Variants in CMKLR2 observed in about 807,000 individuals in gnomAD.
CMKLR2 encodes the protein chemerin chemokine-like receptor 2.
Under a neutral mutation model 23.0 loss-of-function variants are expected in CMKLR2, and 18 were observed. The ratio of observed to expected loss-of-function variants is 0.78; its 90% CI spans 0.54 to 1.16. CMKLR2 has a LOEUF of 1.16. Ranked by LOEUF, CMKLR2 falls within the 50% of genes most tolerant of loss-of-function variation. The pLI is 0.00. For synonymous variants in CMKLR2, 158 were observed against 158.9 expected (o/e 0.99, Z 0.05); for missense variants, 401 against 412.7 (o/e 0.97, Z 0.25).
At chr2:206,197,952 A>G (rs568020228) in intron 1 of CMKLR2, among the ~76,000 whole-genome samples, 1 of 152,234 alleles carries the variant, frequency 6.6e-6, no homozygotes, top group African/African-American at 2.4e-5. Flanking sequence ...ATCTTCGAAC[A>G]CCTGGACAGC....
At chr2:206,199,818 G>T (rs1434878989) in intron 1 of CMKLR2, among the ~76,000 whole-genome samples, 1 of 151,786 alleles carries the variant, frequency 6.6e-6, no homozygotes, top group Non-Finnish European at 1.5e-5. Context: ...CTGGTCTCAG[G>T]TGATCCACCT....
intron 1 of CMKLR2, among the ~76,000 whole-genome samples, chr2:206,187,418 T>A (rs1431947486): frequency 6.6e-6 from 1 of 152,204 alleles, no homozygotes; most frequent in Non-Finnish European, 1.5e-5. Context: ...ACAGACCCAA[T>A]CTGTGGAGAT....
In CMKLR2 at chr2:206,176,454, A is replaced by G; in HGVS notation, c.794T>C (p.Phe265Ser). The change falls in exon 2 of 2, where the codon TTT becomes TCT. Residue 265 changes from phenylalanine (F) to serine (S), a missense_variant. Physicochemically the swap from Phe to Ser is radical, Grantham distance 155 (BLOSUM62 -2). Transcript: ENST00000621141. ...FVVCWTPYHLFSIWELTIHHN... is the reference protein window; with the variant it reads ...FVVCWTPYHLSSIWELTIHHN... ...GTGAATGGTGAGCTCCCAAATGCTA[A>G]ACAGGTGATAAGGAGTCCAGCAAAC... 1 of 1,614,202 alleles carries G rather than the reference A, an allele frequency of 6.2e-7. No individual in the cohort carries two copies. Among genetic ancestry groups the G allele is most frequent in the South Asian group, 1.1e-5 (1 of 91,084 alleles).
In CMKLR2 at chr2:206,183,539, G is replaced by C. The variant is rs953479792; in HGVS notation, c.-28-6264C>G. ...CAAACAGAAAGCCCTGCACCAGAGAGGTTCCTAATCTTCCAGGAAGCAGAT... is the reference window on the plus strand; with the variant it reads ...CAAACAGAAAGCCCTGCACCAGAGACGTTCCTAATCTTCCAGGAAGCAGAT... On this transcript the variant is annotated intron_variant, in intron 1 of 1. Coordinates refer to ENST00000621141, the MANE Select transcript of CMKLR2 (RefSeq NM_001389445.1). Among the ~76,000 whole-genome samples the C allele has an allele frequency of 5.3e-4, 81 of 152,118 alleles. 1 individual carries two copies. Among genetic ancestry groups the C allele is most frequent in the Admixed American group, 5.2e-3 (80 of 15,262 alleles).
In CMKLR2 at chr2:206,182,864, C is replaced by T. The variant is rs181827925; in HGVS notation, c.-28-5589G>A. Among the ~76,000 whole-genome samples the T allele has an allele frequency of 7.0e-4, 107 of 152,222 alleles. 1 individual carries two copies. The highest frequency in any genetic ancestry group is 2.3e-3 in the African/African-American group (96 of 41,548). On this transcript the variant is annotated intron_variant, in intron 1 of 1. Coordinates refer to ENST00000621141, the MANE Select transcript of CMKLR2 (RefSeq NM_001389445.1). ...TGAACTCCTGACCTCGTGATCCACC[C>T]GTCTCAGCCTCCCAAAGTGCTGCGA...
chr2:206,206,917 CTTTT>C (rs66681603), intron 1 of CMKLR2, among the ~76,000 whole-genome samples: 1 of 126,154 alleles, frequency 7.9e-6, no homozygotes, highest in Non-Finnish European at 1.6e-5. Context: ...CCCCCTGCCC[CTTTT>C]TTTTTTTTTT....
chr2:206,177,099 A>G lies in CMKLR2; in HGVS notation c.149T>C (p.Val50Ala), dbSNP rs749853120. The G allele has an allele frequency of 5.6e-6, 9 of 1,614,110 alleles. No homozygotes were observed. In the African/African-American group the frequency reaches 1.2e-4, roughly 22 times the overall value. Residue 50 changes from valine to alanine, a missense_variant, in exon 2 of 2, where the codon GTT becomes GCT. By Grantham distance (64) the Val-to-Ala change is moderately conservative (BLOSUM62 0). Transcript: ENST00000621141. ...VSLVLYCLAF[V>A]LGIPGNAIVI... ...GATGGCATTTCCTGGAATTCCCAGA[A>G]CAAAAGCCAAACAATATAACACCAG...
intron 1 of CMKLR2, among the ~76,000 whole-genome samples, chr2:206,182,076 AGGG>A (rs747111866): frequency 1.3e-4 from 19 of 151,398 alleles, no homozygotes; most frequent in Non-Finnish European, 2.8e-4. Context: ...TAGGTTGTGG[AGGG>A]GGAAGAAGAT....
upstream of CMKLR2, chr2:206,217,770 G>A (rs986721201): frequency 4.6e-5 from 7 of 152,146 alleles, no homozygotes; most frequent in African/African-American, 9.7e-5. Context: ...CAAGGCATGC[G>A]CGGGGTGTGA....
chr2:206,211,585 C>T (rs1012241689), intron 1 of CMKLR2, among the ~76,000 whole-genome samples: 2 of 151,954 alleles, frequency 1.3e-5, no homozygotes, highest in Non-Finnish European at 2.9e-5. Flanking sequence ...GTCTCCACAC[C>T]ATGCCTGAAC....
At chr2:206,216,936 C>T (rs1434006956), upstream of CMKLR2, among the ~76,000 whole-genome samples, 1 of 152,120 alleles carries the variant, frequency 6.6e-6, no homozygotes, top group Non-Finnish European at 1.5e-5. Context: ...TAGCATTATT[C>T]TTTCTCTTTC....
intron 1 of CMKLR2, among the ~76,000 whole-genome samples, chr2:206,212,852 T>G (rs1391806359): frequency 6.6e-6 from 1 of 152,194 alleles, no homozygotes; most frequent in African/African-American, 2.4e-5. Flanking sequence ...CCTTGTAATC[T>G]AAAGAGGGCA....
intron 1 of CMKLR2, among the ~76,000 whole-genome samples, chr2:206,186,104 T>G (rs2105808418): frequency 7.1e-6 from 1 of 140,996 alleles, no homozygotes; most frequent in South Asian, 2.4e-4. Context: ...ACCGTGTGGG[T>G]CTGTGGAATG....
chr2:206,209,148 G>A (rs1460269817), intron 1 of CMKLR2, among the ~76,000 whole-genome samples: 2 of 152,000 alleles, frequency 1.3e-5, no homozygotes, highest in Non-Finnish European at 2.9e-5. Flanking sequence ...GACCAGCCTG[G>A]CCAACATGGT....
upstream of CMKLR2, among the ~76,000 whole-genome samples, chr2:206,216,022 G>A (rs75048997): frequency 0.03 from 4,555 of 152,262 alleles, 119 homozygotes; most frequent in East Asian, 0.12. Context: ...ATGAGGGGAA[G>A]GGATAGCAAA....
intron 1 of CMKLR2, among the ~76,000 whole-genome samples, chr2:206,208,851 G>C (rs1320036421): frequency 1.3e-5 from 2 of 151,728 alleles, no homozygotes; most frequent in African/African-American, 4.8e-5. Context: ...TTAAATTTTT[G>C]GTAGAAACAA....
At chr2:206,183,063 T>G (rs1373376786) in intron 1 of CMKLR2, among the ~76,000 whole-genome samples, 1 of 152,172 alleles carries the variant, frequency 6.6e-6, no homozygotes, top group African/African-American at 2.4e-5. Flanking sequence ...CCCTCTCACT[T>G]ACTCCTTCTG....
chr2:206,193,044 A>AT (rs1365187905), intron 1 of CMKLR2, among the ~76,000 whole-genome samples: 2 of 151,936 alleles, frequency 1.3e-5, no homozygotes, highest in Non-Finnish European at 2.9e-5. Context: ...ACAGCCATTG[A>AT]TTTTTTTTCT....
At chr2:206,200,575 A>G (rs553491634) in intron 1 of CMKLR2, among the ~76,000 whole-genome samples, 2 of 152,352 alleles carry the variant, frequency 1.3e-5, no homozygotes, top group South Asian at 4.1e-4. Context: ...ATGTCTTGAC[A>G]CTTATACCAG....
Sources: gnomAD v4.1 joint callset for allele counts (sites outside exome capture counted in the v4.1 genomes callset) on GRCh38, gnomAD v4.1.1 for gene constraint, MANE v1.5 for transcripts, NCBI Gene and HGNC (gene_info 2026-07-23, HGNC 2026-07-21) for gene names.